Variants in TMEM255B observed in about 807,000 individuals in gnomAD.
The protein encoded by TMEM255B is transmembrane protein 255B, also known as family with sequence similarity 70, member B.
Under a neutral mutation model 34.5 loss-of-function variants are expected in TMEM255B, and 35 were observed. The observed-to-expected ratio is 1.01, with a 90% CI of 0.77 to 1.34. The LOEUF (loss-of-function observed/expected upper bound fraction) is 1.34, where lower values mean the gene tolerates loss of function less well. Ranked by LOEUF, TMEM255B falls within the 40% of genes most tolerant of loss-of-function variation. The pLI is 0.00. For synonymous variants in TMEM255B, 206 were observed against 201.2 expected (o/e 1.02, Z -0.20); for missense variants, 432 against 433.2 (o/e 1.00, Z 0.02).
chr13:113,815,067 G>C lies in TMEM255B; in HGVS notation c.*3164G>C, dbSNP rs529285791. 6.6e-6 allele frequency: 1 copy of C among 152,112 alleles called. No individual in the cohort carries two copies. Among genetic ancestry groups the C allele is most frequent in the African/African-American group, 2.4e-5 (1 of 41,376 alleles). The allele number at this position is 152,112 out of a possible 1,614,324, so 9.4% of individuals were successfully genotyped here. ...AGAGCATTGCCCTGGGCAGGGGTCC[G>C]TTGAGACTGGCCCCACCTTATTAGC... On this transcript the variant is annotated 3_prime_UTR_variant, in exon 9 of 9. Transcript: ENST00000375353.
In TMEM255B at chr13:113,803,572, G is replaced by A. The variant is rs549954090; in HGVS notation, c.670-1313G>A. 3.3e-5 allele frequency among the ~76,000 whole-genome samples: 4 copies of A among 122,336 alleles called. No individual in the cohort carries two copies. In the South Asian group the frequency reaches 8.9e-4, roughly 27 times the overall value. The allele number at this position is 122,336 out of a possible 152,430, so 80.3% of individuals were successfully genotyped here. A position where few individuals can be genotyped will look rare whatever the true frequency, so the allele number is the denominator to read the frequency against. On this transcript the variant is annotated intron_variant, in intron 7 of 8. Coordinates refer to ENST00000375353, the MANE Select transcript of TMEM255B (RefSeq NM_182614.4). Reference sequence around the variant, plus strand: ...CTCTGCTTTCTGTGCACTCGCCCCGGCCCCATCCTCAGGCCACCGCCAGCT... The same window carrying A: ...CTCTGCTTTCTGTGCACTCGCCCCGACCCCATCCTCAGGCCACCGCCAGCT...
Position 113,769,587 on chromosome 13 carries a change from G to T in TMEM255B, c.252+427G>T, listed in dbSNP as rs1029420742. 5 of 180,722 alleles carry T rather than the reference G, an allele frequency of 2.8e-5. No individual in the cohort carries two copies. The highest frequency in any genetic ancestry group is 4.8e-5 in the Non-Finnish European group (4 of 83,038). The allele number at this position is 180,722 out of a possible 1,614,324, so 11.2% of individuals were successfully genotyped here. On this transcript the variant is annotated intron_variant, in intron 3 of 8. Transcript: ENST00000375353. This position sits in a 1 kb window ranked among gnomAD's most constrained non-coding sequence, Gnocchi z 4.2. ...TCTGAGTTTGGTTAATGTTTATCTT[G>T]CCCAGACTAAGAGGAGAGGTAAAGA...
In TMEM255B at chr13:113,816,356, C is replaced by A. The variant is rs1344797032; in HGVS notation, c.*4453C>A. On this transcript the variant is annotated 3_prime_UTR_variant, in exon 9 of 9. Coordinates refer to ENST00000375353, the MANE Select transcript of TMEM255B (RefSeq NM_182614.4). ...AGAGGAGTGTCCGGGAGCCAGATGG[C>A]AGTGATGGGTGGACGGCCCCGTGGA... 1 of 160,176 alleles carries A rather than the reference C, an allele frequency of 6.2e-6. No individual in the cohort carries two copies. Among genetic ancestry groups the A allele is most frequent in the Non-Finnish European group, 1.4e-5 (1 of 72,362 alleles). The allele number at this position is 160,176 out of a possible 1,614,324, so 9.9% of individuals were successfully genotyped here. A position where few individuals can be genotyped will look rare whatever the true frequency, so the allele number is the denominator to read the frequency against.
chr13:113,776,580 T>C (rs1008144661), intron 3 of TMEM255B, among the ~76,000 whole-genome samples: 2 of 152,196 alleles, frequency 1.3e-5, no homozygotes, highest in Admixed American at 1.3e-4. Flanking sequence ...AGTGGGGGCC[T>C]AGCAGGCCCT....
At chr13:113,781,538 T>A (rs1230210598) in intron 3 of TMEM255B, among the ~76,000 whole-genome samples, 1 of 152,222 alleles carries the variant, frequency 6.6e-6, no homozygotes, top group Admixed American at 6.5e-5. Context: ...CAACCTTCAC[T>A]TTTGGTGAAG....
chr13:113,796,158 G>A (rs1476986360), intron 4 of TMEM255B, among the ~76,000 whole-genome samples: 3 of 109,238 alleles, frequency 2.7e-5, no homozygotes, highest in African/African-American at 1.1e-4. Flanking sequence ...ACACACAACA[G>A]AGCACATAGC....
intron 3 of TMEM255B, among the ~76,000 whole-genome samples, chr13:113,794,635 G>C (rs545231693): frequency 6.6e-6 from 1 of 152,176 alleles, no homozygotes; most frequent in Non-Finnish European, 1.5e-5. Flanking sequence ...CTTTATAGCA[G>C]AGTTTGTAGT....
In TMEM255B at chr13:113,775,189, CCACACACCACACATACTACAACACCA is replaced by C. The variant is rs549110912; in HGVS notation, c.252+6048_252+6073del. On this transcript the variant is annotated intron_variant, in intron 3 of 8. Transcript: ENST00000375353. ...ATGCACACCACATACACTACACAAA[CCACACACCACACATACTACAACACCA>C]CACACACCACACATACTATACACAC... is the stretch of plus-strand genomic sequence containing the variant. 1.1e-4 allele frequency among the ~76,000 whole-genome samples: 16 copies of C among 151,332 alleles called. No individual in the cohort carries two copies. The East Asian group carries it at 2.2e-3, about 20-fold the overall frequency.
At chr13:113,800,301 C>CTG (rs1220505809) in intron 5 of TMEM255B, among the ~76,000 whole-genome samples, 14,721 of 96,908 alleles carry the variant, frequency 0.15, 1,060 homozygotes, top group Admixed American at 0.23. Context: ...GAGGCGTCCT[C>CTG]TGTGTGTGTG....
rs377104174 is a variant in TMEM255B, at chr13:113,800,789, G to A, written c.424-38G>A. ...CTTGGTGGGGTGGGTGAGGTGGTGGGCACCGGCATGTGACCTGACAAGGCC... is the reference window on the plus strand; with the variant it reads ...CTTGGTGGGGTGGGTGAGGTGGTGGACACCGGCATGTGACCTGACAAGGCC... On this transcript the variant is annotated intron_variant, in intron 5 of 8. Transcript: ENST00000375353. 24 of 1,564,970 alleles carry A rather than the reference G, an allele frequency of 1.5e-5. No homozygotes were observed. In the African/African-American group the frequency reaches 3.2e-4, roughly 21 times the overall value.
chr13:113,774,300 A>G (rs1282465855), intron 3 of TMEM255B, among the ~76,000 whole-genome samples: 2 of 152,190 alleles, frequency 1.3e-5, no homozygotes, highest in East Asian at 1.9e-4. Context: ...GAATGCCCCA[A>G]ATCACATCAG....
intron 1 of TMEM255B, among the ~76,000 whole-genome samples, chr13:113,760,433 TC>T (rs1172654782): frequency 2.0e-5 from 3 of 152,228 alleles, no homozygotes; most frequent in African/African-American, 7.2e-5. Context: ...ACTTAGATTT[TC>T]TTCTGACAAA....
chr13:113,767,088 G>A (rs915835938), intron 2 of TMEM255B, among the ~76,000 whole-genome samples: 2 of 152,116 alleles, frequency 1.3e-5, no homozygotes, highest in African/African-American at 4.8e-5. Flanking sequence ...TTTAAAATGC[G>A]GCTTCTTCAA....
intron 8 of TMEM255B, among the ~76,000 whole-genome samples, chr13:113,808,803 T>A (rs1486251067): frequency 1.4e-5 from 1 of 73,444 alleles, no homozygotes; most frequent in Non-Finnish European, 2.6e-5. Flanking sequence ...GGGGGGGGGG[T>A]TACTCCATGT....
chr13:113,790,482 G>A (rs550187114), intron 3 of TMEM255B, among the ~76,000 whole-genome samples: 19 of 90,000 alleles, frequency 2.1e-4, no homozygotes, highest in African/African-American at 8.2e-4. Flanking sequence ...AGACATCCTA[G>A]CACTGAACTG....
rs1383306848 is a variant in TMEM255B at position 113,772,613 on chromosome 13, T to G, written c.252+3453T>G. On this transcript the variant is annotated intron_variant, in intron 3 of 8. Transcript: ENST00000375353. Reference sequence around the variant, plus strand: ...CATGGTGTGAGGTAGGGACCCATGTTCATGCATTTACGGACATCCAGTTGT... The same window carrying G: ...CATGGTGTGAGGTAGGGACCCATGTGCATGCATTTACGGACATCCAGTTGT... Among the ~76,000 whole-genome samples, 8 of 152,254 alleles carry G rather than the reference T, an allele frequency of 5.3e-5. No individual in the cohort carries two copies. The East Asian group carries it at 1.3e-3, about 26-fold the overall frequency.
intron 3 of TMEM255B, among the ~76,000 whole-genome samples, chr13:113,786,423 C>T (rs1005457876): frequency 1.5e-4 from 23 of 152,016 alleles, no homozygotes; most frequent in African/African-American, 5.3e-4. Context: ...ACTGTCATCA[C>T]CCTCGTCACC....
At chr13:113,808,970 T>G (rs1318658003) in intron 8 of TMEM255B, among the ~76,000 whole-genome samples, 1 of 142,306 alleles carries the variant, frequency 7.0e-6, no homozygotes, top group Non-Finnish European at 1.5e-5. Context: ...CCTCTGTGGT[T>G]CCTGGGGAGA....
intron 3 of TMEM255B, among the ~76,000 whole-genome samples, chr13:113,787,466 T>C (rs1443707029): frequency 6.6e-6 from 1 of 152,080 alleles, no homozygotes; most frequent in African/African-American, 2.4e-5. Context: ...CAGAAACCGA[T>C]GATAGGTGAA....
Sources: gnomAD v4.1 joint callset for allele counts (sites outside exome capture counted in the v4.1 genomes callset) on GRCh38, gnomAD v4.1.1 for gene constraint, Gnocchi (gnomAD v3.1) non-coding constraint, MANE v1.5 for transcripts, NCBI Gene and HGNC (gene_info 2026-07-23, HGNC 2026-07-21) for gene names.